RECK: variants seen among roughly 807,000 people sequenced by gnomAD.
RECK encodes the protein reversion-inducing cysteine-rich protein with Kazal motifs.
RECK carries 69 observed loss-of-function variants against 115.1 expected under a neutral mutation model. The ratio of observed to expected loss-of-function variants is 0.60; its 90% CI spans 0.49 to 0.73. RECK has a LOEUF of 0.73. Ranked by LOEUF, RECK falls within the 30% of genes least tolerant of loss-of-function variation. RECK has a pLI of 0.00. For missense variants in RECK, 1,047 were observed against 1,203.7 expected (o/e 0.87, Z 1.93); for synonymous variants, 414 against 419.7 (o/e 0.99, Z 0.17).
In RECK at chr9:36,094,581, T is replaced by C. The variant is rs889955194; in HGVS notation, c.1085+3238T>C. Among the ~76,000 whole-genome samples, 1 of 152,056 alleles carries C rather than the reference T, an allele frequency of 6.6e-6. No individual in the cohort carries two copies. The highest frequency in any genetic ancestry group is 1.5e-5 in the Non-Finnish European group (1 of 67,994). On this transcript the variant is annotated intron_variant, in intron 10 of 20. Transcript: ENST00000377966. The surrounding 1 kb of genome is among the most constrained non-coding windows in gnomAD (Gnocchi z 4.1). The stretch of plus-strand genomic sequence containing the variant: ...CAAATTGAAAACCACAGCAAAATGA[T>C]AGAGACTTAAACCCAACTGTATCAA...
chr9:36,099,233 A>G (rs1823470316), intron 10 of RECK, among the ~76,000 whole-genome samples: 2 of 100,932 alleles, frequency 2.0e-5, no homozygotes, highest in African/African-American at 5.4e-5. Flanking sequence ...CTCAACAACA[A>G]CAACAACAAC....
At chr9:36,119,004 G>T in intron 18 of RECK, 37 bp downstream of exon 18, 1 of 1,586,118 alleles carries the variant, frequency 6.3e-7, no homozygotes, top group South Asian at 1.1e-5. Context: ...GGGGAGGACT[G>T]AGAAGATTTG....
intron 7 of RECK, 81 bp from the exon 8 acceptor site, chr9:36,083,284 A>T (rs1822801613): frequency 7.2e-7 from 1 of 1,386,236 alleles, no homozygotes; most frequent in African/African-American, 1.4e-5. Context: ...AGAAAGACAT[A>T]TTGTTCCATC....
At chr9:36,096,547 AAAAAT>A (rs944998281) in intron 10 of RECK, among the ~76,000 whole-genome samples, 45 of 152,216 alleles carry the variant, frequency 3.0e-4, no homozygotes, top group African/African-American at 8.2e-4. Flanking sequence ...CAAAAAAAGA[AAAAAT>A]AAAATAAAAT....
chr9:36,056,996 C>T (rs1053564678), intron 2 of RECK: 8 of 984,934 alleles, frequency 8.1e-6, no homozygotes, highest in African/African-American at 1.8e-5. Flanking sequence ...TGGATTTTAC[C>T]GTCTCAGCTA....
chr9:36,053,854 C>T (rs1264772327), intron 2 of RECK, among the ~76,000 whole-genome samples: 1 of 152,150 alleles, frequency 6.6e-6, no homozygotes, highest in Non-Finnish European at 1.5e-5. Flanking sequence ...CTTCCCCAAC[C>T]AAGTTCTTAA....
chr9:36,120,574 C>A, intron 18 of RECK, 89 bp from the exon 19 acceptor site: 2 of 1,103,184 alleles, frequency 1.8e-6, no homozygotes, highest in Non-Finnish European at 1.4e-6. Context: ...CTCTCCTGCC[C>A]AAAATGAAGG....
chr9:36,049,667 C>T lies in RECK; in HGVS notation c.101-2598C>T, dbSNP rs566885147. Among the ~76,000 whole-genome samples the T allele has an allele frequency of 1.1e-4, 17 of 152,278 alleles. No homozygotes were observed. In the South Asian group the frequency reaches 1.7e-3, roughly 15 times the overall value. ...GCATAACAAAGACACTCCTATTACT[C>T]GGGAAATTCCGGTGATTTAGAGTCT... On this transcript the variant is annotated intron_variant, in intron 1 of 20. Coordinates refer to ENST00000377966, the MANE Select transcript of RECK (RefSeq NM_021111.3).
intron 6 of RECK, chr9:36,066,938 C>T (rs1822026669): frequency 1.9e-6 from 2 of 1,058,602 alleles, no homozygotes; most frequent in Non-Finnish European, 2.6e-6. Flanking sequence ...TCTATCTTCC[C>T]TAATTTGGCC....
At chr9:36,052,430 C>G (rs972568365) in intron 2 of RECK, 107 bp downstream of exon 2, 2 of 682,682 alleles carry the variant, frequency 2.9e-6, no homozygotes, top group African/African-American at 3.6e-5. Context: ...GCCAGGGGTT[C>G]AGGACCAGCC....
chr9:36,054,572 CTTTG>C (rs1041829660), intron 2 of RECK, among the ~76,000 whole-genome samples: 2 of 148,768 alleles, frequency 1.3e-5, no homozygotes, highest in African/African-American at 2.5e-5. Flanking sequence ...TTTTTGTTTG[CTTTG>C]TTTATGATGA....
chr9:36,103,245 T>C (rs1823632177), intron 12 of RECK, among the ~76,000 whole-genome samples: 1 of 152,220 alleles, frequency 6.6e-6, no homozygotes, highest in Non-Finnish European at 1.5e-5. Flanking sequence ...GACAGTGAAG[T>C]CAGCCTTTGT....
At chr9:36,057,748 G>T (rs372330905) in intron 2 of RECK, among the ~76,000 whole-genome samples, 1 of 152,132 alleles carries the variant, frequency 6.6e-6, no homozygotes, top group African/African-American at 2.4e-5. Flanking sequence ...TTCAGCCTGG[G>T]AAGTGGAGGT....
At chr9:36,055,659 G>A (rs940121507) in intron 2 of RECK, among the ~76,000 whole-genome samples, 1 of 152,144 alleles carries the variant, frequency 6.6e-6, no homozygotes, top group Non-Finnish European at 1.5e-5. Context: ...GTCTGATTAC[G>A]AAGTCCATAC....
intron 18 of RECK, among the ~76,000 whole-genome samples, chr9:36,119,545 T>C (rs757225114): frequency 6.6e-5 from 10 of 152,212 alleles, no homozygotes; most frequent in Admixed American, 5.2e-4. Context: ...CAGAAGAGAC[T>C]TTATTCCAAG....
chr9:36,093,962 G>T (rs539120260), intron 10 of RECK, among the ~76,000 whole-genome samples: 1 of 151,844 alleles, frequency 6.6e-6, no homozygotes, highest in South Asian at 2.1e-4. Context: ...ATCCCAAGTA[G>T]TATCCTTAAA....
intron 1 of RECK, among the ~76,000 whole-genome samples, chr9:36,049,096 TC>T (rs1038495808): frequency 3.3e-5 from 5 of 152,136 alleles, no homozygotes; most frequent in Admixed American, 3.3e-4. Context: ...ATAAAGAGCC[TC>T]ATAGGGTGAG....
chr9:36,098,959 C>T (rs1036503521), intron 10 of RECK, among the ~76,000 whole-genome samples: 2 of 152,182 alleles, frequency 1.3e-5, no homozygotes. Context: ...GGCATGATGG[C>T]TCACACCTAT....
chr9:36,072,993 C>T (rs1212726432), intron 6 of RECK, among the ~76,000 whole-genome samples: 1 of 151,828 alleles, frequency 6.6e-6, no homozygotes, highest in East Asian at 1.9e-4. Context: ...TCTCATCTCC[C>T]ATAGATTTAA....
Sources: allele counts gnomAD v4.1 joint callset (sites outside exome capture counted in the v4.1 genomes callset), GRCh38; gene constraint gnomAD v4.1.1; non-coding constraint Gnocchi (gnomAD v3.1); transcripts MANE v1.5; gene names NCBI Gene and HGNC (gene_info 2026-07-23, HGNC 2026-07-21).